Variants in DGKG observed in about 807,000 individuals in gnomAD.
DGKG encodes DAG kinase gamma.
DGKG carries 78 observed loss-of-function variants against 105.3 expected under a neutral mutation model. That is an observed-to-expected ratio of 0.74 (90% CI 0.62 to 0.89). The LOEUF (loss-of-function observed/expected upper bound fraction) is 0.89, where lower values mean the gene tolerates loss of function less well. DGKG is among the 40% of genes least tolerant of loss of function. The probability of loss-of-function intolerance (pLI) is 0.00; values close to 1 mark genes in which losing one functional copy is unlikely to be tolerated. For missense variants in DGKG, 958 were observed against 1,020.1 expected, an observed-to-expected ratio of 0.94 and a Z score of 0.83; for synonymous variants, 346 against 367.1, an observed-to-expected ratio of 0.94 and a Z score of 0.66.
At position 186,240,208 on chromosome 3, in the gene DGKG, C is replaced by T. The variant is rs543871878; in HGVS notation, c.1826+2296G>A. Among the ~76,000 whole-genome samples, 134 of 152,212 alleles carry T rather than the reference C, an allele frequency of 8.8e-4. 2 individuals are homozygous for T. The highest frequency in any genetic ancestry group is 8.7e-3 in the Admixed American group (133 of 15,294). On this transcript the variant is annotated intron_variant, in intron 20 of 24. Transcript: ENST00000265022. Reference sequence around the variant, plus strand: ...TCCCTGTGTTGCCCTCCTCTTTTTCCGTGTCTTGGTTCAGGCGTCTCTGTC... The same window carrying T: ...TCCCTGTGTTGCCCTCCTCTTTTTCTGTGTCTTGGTTCAGGCGTCTCTGTC...
chr3:186,236,612 G>A (rs979007970), intron 20 of DGKG, among the ~76,000 whole-genome samples: 1 of 152,218 alleles, frequency 6.6e-6, no homozygotes, highest in African/African-American at 2.4e-5. Context: ...TATTTACAAG[G>A]TATATTTCCA....
intron 2 of DGKG, among the ~76,000 whole-genome samples, chr3:186,307,976 C>T (rs1402986697): frequency 1.3e-5 from 2 of 151,054 alleles, no homozygotes; most frequent in African/African-American, 2.4e-5. Context: ...AATTATGTCT[C>T]ATAATTAGCA....
At chr3:186,357,337 A>T (rs1274144882) in intron 1 of DGKG, among the ~76,000 whole-genome samples, 1 of 152,206 alleles carries the variant, frequency 6.6e-6, no homozygotes. Context: ...GTGATTTCCC[A>T]GGAAGCCAAG....
chr3:186,228,891 C>T (rs60981911), intron 20 of DGKG, among the ~76,000 whole-genome samples: 31,578 of 152,076 alleles, frequency 0.21, 3,492 homozygotes, highest in African/African-American at 0.27. Flanking sequence ...ATTGTGTCCC[C>T]CCCAAAAATG....
At chr3:186,339,176 A>G (rs1725972237) in intron 1 of DGKG, among the ~76,000 whole-genome samples, 1 of 152,220 alleles carries the variant, frequency 6.6e-6, no homozygotes, top group South Asian at 2.1e-4. Context: ...TGCATTTATC[A>G]AGCTTTTAGT....
chr3:186,235,040 G>GA (rs1028230641), intron 20 of DGKG, among the ~76,000 whole-genome samples: 2 of 152,036 alleles, frequency 1.3e-5, no homozygotes, highest in African/African-American at 4.8e-5. Flanking sequence ...AGCACCTGAT[G>GA]AAAAAAACAT....
At chr3:186,213,968 G>T (rs1719159311) in intron 20 of DGKG, among the ~76,000 whole-genome samples, 1 of 152,248 alleles carries the variant, frequency 6.6e-6, no homozygotes, top group Non-Finnish European at 1.5e-5. Flanking sequence ...TGTCAAAGCT[G>T]AGCATTCCTT....
intron 1 of DGKG, among the ~76,000 whole-genome samples, chr3:186,338,297 G>C (rs1403278427): frequency 6.6e-6 from 1 of 152,062 alleles, no homozygotes; most frequent in African/African-American, 2.4e-5. Flanking sequence ...AGGACAATAG[G>C]GAAATCTAAA....
At chr3:186,277,581 A>T (rs747116471) in intron 9 of DGKG, among the ~76,000 whole-genome samples, 3 of 152,244 alleles carry the variant, frequency 2.0e-5, no homozygotes, top group Non-Finnish European at 4.4e-5. Flanking sequence ...TTGTCAGTGT[A>T]TCTGAAAACA....
intron 4 of DGKG, 70 bp downstream of exon 4, chr3:186,297,994 G>A (rs532103696): frequency 2.6e-6 from 4 of 1,513,358 alleles, no homozygotes; most frequent in Non-Finnish European, 3.6e-6. Flanking sequence ...CTCTAGGAAT[G>A]CAGTCTGTGG....
At chr3:186,195,890 C>A (rs1718154152) in intron 21 of DGKG, among the ~76,000 whole-genome samples, 1 of 152,160 alleles carries the variant, frequency 6.6e-6, no homozygotes, top group Non-Finnish European at 1.5e-5. Context: ...CCTATTGCAT[C>A]TCATTAGGAA....
chr3:186,207,382 T>C (rs2108516264), intron 21 of DGKG: 1 of 907,652 alleles, frequency 1.1e-6, no homozygotes, highest in African/African-American at 1.8e-5. Flanking sequence ...TGAAGGCTGA[T>C]CTGATCACTT....
intron 6 of DGKG, among the ~76,000 whole-genome samples, chr3:186,287,463 C>G (rs1560134850): frequency 6.6e-6 from 1 of 152,170 alleles, no homozygotes; most frequent in Non-Finnish European, 1.5e-5. Flanking sequence ...TCACTGTACT[C>G]TCTACTTTTA....
intron 2 of DGKG, among the ~76,000 whole-genome samples, chr3:186,317,846 T>C (rs965428266): frequency 2.0e-5 from 3 of 152,210 alleles, no homozygotes; most frequent in African/African-American, 7.2e-5. Flanking sequence ...CATTTATTGC[T>C]GGATCCCTGG....
intron 1 of DGKG, among the ~76,000 whole-genome samples, chr3:186,350,200 C>T (rs1472691876): frequency 6.6e-6 from 1 of 152,158 alleles, no homozygotes; most frequent in Non-Finnish European, 1.5e-5. Context: ...TTCCACAGAA[C>T]TTTTTCATCT....
At chr3:186,202,829 T>A (rs145276563) in intron 21 of DGKG, among the ~76,000 whole-genome samples, 1 of 152,330 alleles carries the variant, frequency 6.6e-6, no homozygotes, top group East Asian at 1.9e-4. Flanking sequence ...ATGCTGCATA[T>A]CCCTCAACAA....
In DGKG at chr3:186,203,970, C is replaced by G. The variant is rs1217228915; in HGVS notation, c.1917+7825G>C. Among the ~76,000 whole-genome samples the G allele has an allele frequency of 6.6e-6, 1 of 152,214 alleles. No individual in the cohort carries two copies. The highest frequency in any genetic ancestry group is 1.5e-5 in the Non-Finnish European group (1 of 68,048). ...TCTTTCCCTCTAGTTTAAGAGTGTG[C>G]AGCACTGCAGGTGGATGCTAAGACA... On this transcript the variant is annotated intron_variant, in intron 21 of 24. Coordinates refer to ENST00000265022, the MANE Select transcript of DGKG (RefSeq NM_001346.3). The surrounding 1 kb of genome is among the most constrained non-coding windows in gnomAD (Gnocchi z 4.9).
intron 20 of DGKG, among the ~76,000 whole-genome samples, chr3:186,236,636 T>C (rs1720433554): frequency 6.6e-6 from 1 of 152,234 alleles, no homozygotes; most frequent in Non-Finnish European, 1.5e-5. Context: ...TCTTAAAAAC[T>C]CAAGCTACAT....
intron 12 of DGKG, 40 bp downstream of exon 12, chr3:186,268,761 A>T (rs1722176529): frequency 6.9e-7 from 1 of 1,446,072 alleles, no homozygotes; most frequent in Non-Finnish European, 9.7e-7. Context: ...GGGCAAAAAA[A>T]CGTTGAAAAG....
Sources: gnomAD v4.1 joint callset for allele counts (sites outside exome capture counted in the v4.1 genomes callset) on GRCh38, gnomAD v4.1.1 for gene constraint, Gnocchi (gnomAD v3.1) non-coding constraint, MANE v1.5 for transcripts, NCBI Gene and HGNC (gene_info 2026-07-23, HGNC 2026-07-21) for gene names.